ZNF429: variants seen among roughly 807,000 people sequenced by gnomAD.
ZNF429 encodes zinc finger protein 429.
ZNF429 carries 53 observed loss-of-function variants against 56.8 expected under a neutral mutation model. That is an observed-to-expected ratio of 0.93 (90% confidence interval 0.75 to 1.17). The LOEUF is 1.17. Ranked by LOEUF, ZNF429 falls within the 50% of genes most tolerant of loss-of-function variation. The pLI is 0.00. For missense variants in ZNF429, 849 were observed against 788.4 expected (o/e 1.08, Z -0.92); for synonymous variants, 278 against 264.7 (o/e 1.05, Z -0.49).
In ZNF429 at chr19:21,505,691, G is replaced by A; in HGVS notation, c.-81G>A. On this transcript the variant is annotated 5_prime_UTR_variant, in exon 1 of 4. Coordinates refer to ENST00000358491, the MANE Select transcript of ZNF429 (RefSeq NM_001001415.4). ...CATTTCTGTGTCCTTTGTTCTTAGAGGCCCAGCCTGTGTGGCCCTGTGACC... is the reference window on the plus strand; with the variant it reads ...CATTTCTGTGTCCTTTGTTCTTAGAAGCCCAGCCTGTGTGGCCCTGTGACC... The A allele has an allele frequency of 6.6e-7, 1 of 1,503,896 alleles. No individual in the cohort carries two copies. Among genetic ancestry groups the A allele is most frequent in the Non-Finnish European group, 9.2e-7 (1 of 1,091,018 alleles). The allele number at this position is 1,503,896 out of a possible 1,614,324, so 93.2% of individuals were successfully genotyped here. A position where few individuals can be genotyped will look rare whatever the true frequency, so the allele number is the denominator to read the frequency against.
At chr19:21,535,452 CTTTCTTTCTTTCTTTCTTTCT>C in intron 3 of ZNF429, among the ~76,000 whole-genome samples, 1 of 53,808 alleles carries the variant, frequency 1.9e-5, no homozygotes, top group African/African-American at 8.8e-5. Context: ...TTCTTTCTTT[CTTTCTTTCTTTCTTTCTTTCT>C]TTCTTTCTTT....
At chr19:21,511,297 G>A (rs867852130) in intron 1 of ZNF429, among the ~76,000 whole-genome samples, 11 of 151,874 alleles carry the variant, frequency 7.2e-5, no homozygotes, top group South Asian at 4.2e-4. Flanking sequence ...GCTGCCGGGC[G>A]GAGACGCTCC....
Position 21,535,480 on chromosome 19 carries a change from CTTTCTTTCT to C in ZNF429, c.227-797_227-789del. On this transcript the variant is annotated intron_variant, in intron 3 of 3. Transcript: ENST00000358491. ...TCTTTCTTTCTTTCTTTCTTTCTTT[CTTTCTTTCT>C]TTCTTTCTTCTTTCTTTCTTTCTTT... Among the ~76,000 whole-genome samples, 9 of 56,002 alleles carry C rather than the reference CTTTCTTTCT, an allele frequency of 1.6e-4. 2 individuals carry two copies. Among genetic ancestry groups the C allele is most frequent in the African/African-American group, 3.7e-4 (5 of 13,598 alleles). 36.7% of individuals were successfully genotyped at this position (56,002 alleles called of 152,430 possible).
At chr19:21,509,123 C>T (rs948439725) in intron 1 of ZNF429, among the ~76,000 whole-genome samples, 1 of 151,926 alleles carries the variant, frequency 6.6e-6, no homozygotes, top group Non-Finnish European at 1.5e-5. Context: ...ATTCTCCTGC[C>T]TCAGCCTCCC....
chr19:21,518,249 C>G (rs1362976148), intron 1 of ZNF429, among the ~76,000 whole-genome samples: 3 of 152,216 alleles, frequency 2.0e-5, no homozygotes, highest in Non-Finnish European at 2.9e-5. Context: ...TTGTCTTCTG[C>G]TAGCTCAGGG....
intron 1 of ZNF429, among the ~76,000 whole-genome samples, chr19:21,510,776 A>G (rs1234503298): frequency 6.6e-6 from 1 of 151,660 alleles, no homozygotes; most frequent in African/African-American, 2.4e-5. Flanking sequence ...GGGAGTGGTG[A>G]TGACTCTTAA....
In ZNF429 at chr19:21,537,702, C is replaced by G. The variant is rs558487453; in HGVS notation, c.1649C>G (p.Ser550Ter). ...EECGKAFNRSSRLTQHKKIHT... is the reference protein window; with the variant it reads ...EECGKAFNRS ...TGTGGCAAAGCTTTTAACCGGTCCT[C>G]AAGACTTACTCAACATAAGAAAATT... The change falls in exon 4 of 4, where the codon TCA becomes TGA. Residue 550 changes from serine (S) to a stop codon, truncating the protein, a stop_gained. Coordinates refer to ENST00000358491, the MANE Select transcript of ZNF429 (RefSeq NM_001001415.4). LOFTEE classifies it high-confidence loss of function. 6.2e-6 allele frequency: 10 copies of G among 1,614,000 alleles called. No homozygotes were observed. The African/African-American group carries it at 1.2e-4, about 19-fold the overall frequency.
chr19:21,506,332 T>G (rs1381977368), intron 1 of ZNF429, among the ~76,000 whole-genome samples: 1 of 151,206 alleles, frequency 6.6e-6, no homozygotes, highest in Non-Finnish European at 1.5e-5. Context: ...GTGGCAGGCA[T>G]CTGTAATCCC....
intron 1 of ZNF429, among the ~76,000 whole-genome samples, chr19:21,511,634 G>C (rs952901660): frequency 9.3e-5 from 14 of 151,194 alleles, no homozygotes; most frequent in Non-Finnish European, 1.8e-4. Context: ...CCCAGATGAT[G>C]GGCGGCCAGG....
intron 3 of ZNF429, among the ~76,000 whole-genome samples, chr19:21,535,330 T>TTTCTTTCTTTCTTTCTTTC: frequency 2.6e-5 from 2 of 78,300 alleles, no homozygotes; most frequent in South Asian, 3.8e-4. Flanking sequence ...TTTCTTTCTC[T>TTTCTTTCTTTCTTTCTTTC]TTTCTTTTCT....
intron 3 of ZNF429, among the ~76,000 whole-genome samples, chr19:21,533,731 C>T: frequency 2.4e-3 from 341 of 144,810 alleles, no homozygotes; most frequent in African/African-American, 8.7e-3. Flanking sequence ...TCTCAGCTCA[C>T]TGCAACCTGT....
rs1350369019 is a variant in ZNF429 at position 21,539,898 on chromosome 19, T to C, written c.*1820T>C. On this transcript the variant is annotated 3_prime_UTR_variant, in exon 4 of 4. Coordinates refer to ENST00000358491, the MANE Select transcript of ZNF429 (RefSeq NM_001001415.4). ...ATATAGACTCATTAGGTGGAAATTA[T>C]GGCCTCTTCTGTAAAAAAGTAAGGA... Among the ~76,000 whole-genome samples the C allele has an allele frequency of 6.6e-6, 1 of 152,150 alleles. No homozygotes were observed. Among genetic ancestry groups the C allele is most frequent in the African/African-American group, 2.4e-5 (1 of 41,426 alleles).
Position 21,538,277 on chromosome 19 carries a change from CAAAAAAAAAAAAA to C in ZNF429, c.*209_*221del, listed in dbSNP as rs531427318. ...TGGGTGACAGAGCCAGACTCCATCT[CAAAAAAAAAAAAA>C]AAAAAAAAAGAAAAGAAAATTCATA... is the stretch of plus-strand genomic sequence containing the variant. On this transcript the variant is annotated 3_prime_UTR_variant, in exon 4 of 4. Coordinates refer to ENST00000358491, the MANE Select transcript of ZNF429 (RefSeq NM_001001415.4). Among the ~76,000 whole-genome samples, 4 of 34,382 alleles carry C rather than the reference CAAAAAAAAAAAAA, an allele frequency of 1.2e-4. No homozygotes were observed. The highest frequency in any genetic ancestry group is 4.2e-4 in the African/African-American group (3 of 7,168). 22.6% of individuals were successfully genotyped at this position (34,382 alleles called of 152,430 possible). A position where few individuals can be genotyped will look rare whatever the true frequency, so the allele number is the denominator to read the frequency against.
At chr19:21,519,351 GCAGCA>G (rs1161719450) in intron 1 of ZNF429, among the ~76,000 whole-genome samples, 3 of 152,120 alleles carry the variant, frequency 2.0e-5, no homozygotes, top group Non-Finnish European at 4.4e-5. Flanking sequence ...TTTCATTTAA[GCAGCA>G]CATTGAAGGT....
chr19:21,531,127 AAAC>A, intron 3 of ZNF429, among the ~76,000 whole-genome samples: 30 of 104,652 alleles, frequency 2.9e-4, no homozygotes, highest in African/African-American at 1.0e-3. Flanking sequence ...AAAAAAAAAA[AAAC>A]CAAAAAAAAA....
intron 1 of ZNF429, among the ~76,000 whole-genome samples, chr19:21,506,665 T>C (rs2032174204): frequency 6.6e-6 from 1 of 151,966 alleles, no homozygotes; most frequent in African/African-American, 2.4e-5. Context: ...CAAAATTTCC[T>C]GGTTATGTAA....
Position 21,536,296 on chromosome 19 carries a change from T to A in ZNF429, c.243T>A (p.Phe81Leu), listed in dbSNP as rs1261013339. Reference protein sequence around the residue: ...VDEPPVVCSHFAEDFWPEQDI... With the variant: ...VDEPPVVCSHLAEDFWPEQDI... ...TTATTTTAGTTGTGTGTTCTCATTT[T>A]GCTGAAGACTTTTGGCCAGAGCAAG... Residue 81 changes from phenylalanine (F) to leucine (L), a missense_variant, in exon 4 of 4, where the codon TTT becomes TTA. Coordinates refer to ENST00000358491, the MANE Select transcript of ZNF429 (RefSeq NM_001001415.4). The A allele has an allele frequency of 2.5e-6, 4 of 1,575,226 alleles. No individual in the cohort carries two copies. Among genetic ancestry groups the A allele is most frequent in the Non-Finnish European group, 3.4e-6 (4 of 1,165,026 alleles).
At chr19:21,533,479 C>T in intron 3 of ZNF429, among the ~76,000 whole-genome samples, 9 of 151,632 alleles carry the variant, frequency 5.9e-5, no homozygotes, top group East Asian at 5.8e-4. Flanking sequence ...CTTTCTTGCT[C>T]ATACATTTAA....
intron 1 of ZNF429, among the ~76,000 whole-genome samples, chr19:21,517,224 A>G (rs1038933846): frequency 1.3e-4 from 20 of 152,156 alleles, no homozygotes; most frequent in Admixed American, 2.0e-4. Flanking sequence ...AGTTCTGTTT[A>G]TGTGATGAAT....
Sources: allele counts gnomAD v4.1 joint callset (sites outside exome capture counted in the v4.1 genomes callset), GRCh38; gene constraint gnomAD v4.1.1; transcripts MANE v1.5; gene names NCBI Gene and HGNC (gene_info 2026-07-23, HGNC 2026-07-21).